Variants in CCDC91 observed in about 807,000 individuals in gnomAD.
The protein encoded by CCDC91 is coiled-coil domain containing 91.
Under a neutral mutation model 63.2 loss-of-function variants are expected in CCDC91, and 48 were observed. That is an observed-to-expected ratio of 0.76 (90% CI 0.60 to 0.97). CCDC91 has a LOEUF of 0.97. Among genes scored for constraint, CCDC91 ranks in the 50% least tolerant of loss-of-function variants. CCDC91 has a pLI of 0.00. For synonymous variants in CCDC91, 167 were observed against 165.8 expected (o/e 1.01, Z -0.06); for missense variants, 500 against 494.6 (o/e 1.01, Z -0.10).
intron 8 of CCDC91, among the ~76,000 whole-genome samples, chr12:28,434,327 G>A (rs1156908633): frequency 4.0e-5 from 6 of 151,328 alleles, no homozygotes. Context: ...CATGAATACC[G>A]ATTTTGTCAA....
At chr12:28,337,612 T>A (rs1942086127) in intron 6 of CCDC91, among the ~76,000 whole-genome samples, 1 of 152,072 alleles carries the variant, frequency 6.6e-6, no homozygotes, top group South Asian at 2.1e-4. Flanking sequence ...ATTGGTTTTA[T>A]GAAAGTTTGA....
chr12:28,224,850 C>T (rs1944172546), intron 1 of CCDC91, among the ~76,000 whole-genome samples: 1 of 152,118 alleles, frequency 6.6e-6, no homozygotes, highest in South Asian at 2.1e-4. Context: ...TTGGCTAGCG[C>T]AGAATTACAA....
At chr12:28,224,222 T>C (rs372445166) in intron 1 of CCDC91, among the ~76,000 whole-genome samples, 225 of 152,316 alleles carry the variant, frequency 1.5e-3, no homozygotes, top group African/African-American at 4.1e-3. Context: ...GCTTAAGTCA[T>C]GGGGTTTTAT....
Position 28,549,216 on chromosome 12 carries a change from T to C in CCDC91, c.*43T>C, listed in dbSNP as rs748067996. On this transcript the variant is annotated 3_prime_UTR_variant, in exon 13 of 13. Coordinates refer to ENST00000536442, the MANE Select transcript of CCDC91 (RefSeq NM_018318.5). ...CACACTGGCATTGGATAAATCATAT[T>C]ACACCTTCAAAATACACACTCTGAA... 1.9e-6 allele frequency: 2 copies of C among 1,035,136 alleles called. No homozygotes were observed. The highest frequency in any genetic ancestry group is 2.6e-5 in the South Asian group (2 of 77,196). The allele number at this position is 1,035,136 out of a possible 1,614,324, so 64.1% of individuals were successfully genotyped here. A position where few individuals can be genotyped will look rare whatever the true frequency, so the allele number is the denominator to read the frequency against.
chr12:28,381,709 A>T (rs866914237), intron 7 of CCDC91, among the ~76,000 whole-genome samples: 1 of 152,108 alleles, frequency 6.6e-6, no homozygotes, highest in Non-Finnish European at 1.5e-5. Flanking sequence ...CATGTAGCCA[A>T]TTTTTTTGAT....
In CCDC91 at chr12:28,360,490, A is replaced by G. The variant is rs77581399; in HGVS notation, c.577-1948A>G. ...GTCTTCTGCTGTCATCTTAGGCAGT[A>G]ACACCCAGCAAGCCAGTGTCAGAAG... On this transcript the variant is annotated intron_variant, in intron 6 of 12. Transcript: ENST00000536442. Among the ~76,000 whole-genome samples the G allele has an allele frequency of 9.2e-3, 1,401 of 152,278 alleles. 27 individuals carry two copies. Among genetic ancestry groups the G allele is most frequent in the African/African-American group, 0.032 (1,331 of 41,522 alleles).
At chr12:28,243,381 T>C (rs187198392) in intron 1 of CCDC91, among the ~76,000 whole-genome samples, 24 of 152,242 alleles carry the variant, frequency 1.6e-4, no homozygotes, top group Non-Finnish European at 2.6e-4. Context: ...GTTTCTGATA[T>C]GAGAAAGTTA....
chr12:28,299,295 C>G (rs1349747632), intron 3 of CCDC91, among the ~76,000 whole-genome samples: 1 of 151,494 alleles, frequency 6.6e-6, no homozygotes, highest in African/African-American at 2.4e-5. Flanking sequence ...ACCACATTTG[C>G]TTTATCATTT....
chr12:28,448,329 A>G (rs1490428779), intron 8 of CCDC91, among the ~76,000 whole-genome samples: 6 of 152,158 alleles, frequency 3.9e-5, no homozygotes, highest in Non-Finnish European at 2.9e-5. Flanking sequence ...ATTATTATCT[A>G]TAAGTATGAG....
intron 6 of CCDC91, among the ~76,000 whole-genome samples, chr12:28,335,958 A>G (rs1242612437): frequency 6.6e-6 from 1 of 151,958 alleles, no homozygotes; most frequent in Non-Finnish European, 1.5e-5. Context: ...TTTTTAAAAA[A>G]AAACCACACA....
chr12:28,237,322 T>C (rs1393702165), intron 1 of CCDC91, among the ~76,000 whole-genome samples: 1 of 151,642 alleles, frequency 6.6e-6, no homozygotes, highest in Non-Finnish European at 1.5e-5. Flanking sequence ...TATTAGGTCT[T>C]AGGAACCTGT....
chr12:28,394,477 C>A (rs1408167199), intron 8 of CCDC91, among the ~76,000 whole-genome samples: 42 of 143,024 alleles, frequency 2.9e-4, no homozygotes, highest in South Asian at 2.5e-3. Flanking sequence ...AACAAACAAA[C>A]AAAAAAAAAA....
At chr12:28,261,385 G>C (rs1946814449) in intron 3 of CCDC91, among the ~76,000 whole-genome samples, 1 of 151,926 alleles carries the variant, frequency 6.6e-6, no homozygotes, top group African/African-American at 2.4e-5. Flanking sequence ...TAATTTGGAT[G>C]TTTAAAGGTG....
In CCDC91 at chr12:28,439,338, G is replaced by A. The variant is rs542836615; in HGVS notation, c.763-10823G>A. On this transcript the variant is annotated intron_variant, in intron 8 of 12. Transcript: ENST00000536442. ...TGGCCCATAAATGGGTGAAATGTCC[G>A]TGAATCATTTTATTTTAAGAAGTTT... Among the ~76,000 whole-genome samples the A allele has an allele frequency of 1.7e-4, 26 of 152,170 alleles. No individual in the cohort carries two copies. The East Asian group carries it at 4.6e-3, about 27-fold the overall frequency.
At chr12:28,214,476 C>T (rs1251300696) in intron 1 of CCDC91, among the ~76,000 whole-genome samples, 2 of 151,988 alleles carry the variant, frequency 1.3e-5, no homozygotes, top group Admixed American at 1.3e-4. Flanking sequence ...GAAGGCAAAG[C>T]AAATACAAAA....
At chr12:28,297,377 A>G (rs538840508) in intron 3 of CCDC91, among the ~76,000 whole-genome samples, 1 of 152,012 alleles carries the variant, frequency 6.6e-6, no homozygotes, top group Non-Finnish European at 1.5e-5. Flanking sequence ...TTTGTGCTTT[A>G]GAAGAGATCT....
intron 3 of CCDC91, among the ~76,000 whole-genome samples, chr12:28,267,658 T>G (rs1272156604): frequency 1.3e-5 from 1 of 77,562 alleles, no homozygotes; most frequent in Non-Finnish European, 2.6e-5. Context: ...TATACCCAAT[T>G]AATATATTAA....
intron 11 of CCDC91, among the ~76,000 whole-genome samples, chr12:28,479,991 A>T (rs1951356884): frequency 6.6e-6 from 1 of 152,024 alleles, no homozygotes; most frequent in Admixed American, 6.6e-5. Flanking sequence ...TATTATTGGT[A>T]GCTCTTTACA....
intron 8 of CCDC91, among the ~76,000 whole-genome samples, chr12:28,447,316 A>T (rs777427641): frequency 1.3e-5 from 2 of 152,118 alleles, no homozygotes; most frequent in Non-Finnish European, 2.9e-5. Context: ...TACTACTTAT[A>T]TATAAATTCA....
Sources: allele counts gnomAD v4.1 joint callset (sites outside exome capture counted in the v4.1 genomes callset), GRCh38; gene constraint gnomAD v4.1.1; transcripts MANE v1.5; gene names NCBI Gene and HGNC (gene_info 2026-07-23, HGNC 2026-07-21).